PTPRD: variants seen among roughly 807,000 people sequenced by gnomAD.
PTPRD encodes protein tyrosine phosphatase receptor type D, also known as receptor-type tyrosine-protein phosphatase delta.
In PTPRD, 34 loss-of-function variants were observed where a neutral mutation model predicts 214.5. The observed-to-expected ratio is 0.16, with a 90% CI of 0.12 to 0.21. The LOEUF (loss-of-function observed/expected upper bound fraction) is 0.21, where lower values mean the gene tolerates loss of function less well. Among genes scored for constraint, PTPRD ranks in the 10% least tolerant of loss-of-function variants. The probability of loss-of-function intolerance (pLI) is 1.00; values close to 1 mark genes in which losing one functional copy is unlikely to be tolerated. For missense variants in PTPRD, 2,545 were observed against 2,398.7 expected, an observed-to-expected ratio of 1.06 and a Z score of -1.27; for synonymous variants, 1,128 against 845.7, an observed-to-expected ratio of 1.33 and a Z score of -5.79.
At chr9:9,289,619 C>A (rs1196251039) in intron 9 of PTPRD, among the ~76,000 whole-genome samples, 1 of 151,762 alleles carries the variant, frequency 6.6e-6, no homozygotes, top group Non-Finnish European at 1.5e-5. Flanking sequence ...GTACATCTCC[C>A]TATTTACATC....
At chr9:8,373,231 T>G (rs2082072899) in intron 39 of PTPRD, among the ~76,000 whole-genome samples, 1 of 151,990 alleles carries the variant, frequency 6.6e-6, no homozygotes, top group Non-Finnish European at 1.5e-5. Flanking sequence ...CATTATACTG[T>G]CAAGTTTTAA....
At chr9:9,291,360 G>C (rs750559975) in intron 9 of PTPRD, among the ~76,000 whole-genome samples, 2 of 151,350 alleles carry the variant, frequency 1.3e-5, no homozygotes, top group Non-Finnish European at 3.0e-5. Context: ...ATTAAATGCA[G>C]ACATAAAGAA....
intron 45 of PTPRD, among the ~76,000 whole-genome samples, 167 bp from the exon 46 acceptor site, chr9:8,318,109 G>C (rs1481752397): frequency 6.6e-6 from 1 of 151,934 alleles, no homozygotes; most frequent in African/African-American, 2.4e-5. Flanking sequence ...AGTGAACAAA[G>C]AAAAAGCCAC....
chr9:10,127,495 A>G (rs919547757), intron 3 of PTPRD, among the ~76,000 whole-genome samples: 1 of 152,186 alleles, frequency 6.6e-6, no homozygotes, highest in African/African-American at 2.4e-5. Flanking sequence ...GAAATCAAGC[A>G]TATTTCTCTC....
At chr9:10,476,789 A>T (rs1295864268) in intron 2 of PTPRD, among the ~76,000 whole-genome samples, 1 of 152,172 alleles carries the variant, frequency 6.6e-6, no homozygotes, top group Non-Finnish European at 1.5e-5. Context: ...ACAAAAACAG[A>T]TATACAGACC....
intron 11 of PTPRD, among the ~76,000 whole-genome samples, chr9:8,879,440 G>C (rs1394407681): frequency 6.6e-6 from 1 of 152,038 alleles, no homozygotes; most frequent in Non-Finnish European, 1.5e-5. Flanking sequence ...CACTGAGCTT[G>C]GTAGGCACTG....
chr9:8,381,905 T>C (rs898640319), intron 37 of PTPRD, among the ~76,000 whole-genome samples: 1 of 152,188 alleles, frequency 6.6e-6, no homozygotes, highest in Non-Finnish European at 1.5e-5. Context: ...AGAGCAGAAC[T>C]GTGTGAGGTG....
At chr9:10,490,402 T>C (rs773801119) in intron 2 of PTPRD, among the ~76,000 whole-genome samples, 19 of 152,246 alleles carry the variant, frequency 1.2e-4, no homozygotes, top group African/African-American at 3.9e-4. Context: ...TAAAAATAAT[T>C]ATTGCCATCA....
chr9:10,145,696 AAG>A (rs33918377), intron 3 of PTPRD, among the ~76,000 whole-genome samples: 17,400 of 152,036 alleles, frequency 0.11, 1,193 homozygotes, highest in Admixed American at 0.17. Flanking sequence ...TGCATTGTAC[AAG>A]AGTCTCCAGC....
chr9:8,610,970 A>C (rs907253634), intron 14 of PTPRD, among the ~76,000 whole-genome samples: 2 of 152,030 alleles, frequency 1.3e-5, no homozygotes, highest in Admixed American at 6.6e-5. Flanking sequence ...CACATCAACA[A>C]CCATTATGGT....
chr9:10,407,146 A>C (rs1050034046), intron 2 of PTPRD, among the ~76,000 whole-genome samples: 1 of 151,614 alleles, frequency 6.6e-6, no homozygotes, highest in Non-Finnish European at 1.5e-5. Context: ...AGACATGCAG[A>C]TAAGTGGAAA....
chr9:9,354,959 T>C (rs1410710440), intron 9 of PTPRD, among the ~76,000 whole-genome samples: 1 of 151,522 alleles, frequency 6.6e-6, no homozygotes, highest in African/African-American at 2.4e-5. Flanking sequence ...AGTAGTGGAG[T>C]GTGGACAAAA....
rs533619970 is a variant in PTPRD, at chr9:9,088,581, GAAAA to G, written c.-142-69850_-142-69847del. ...GGCGACAGAGTGAGACTTAGTCTCA[GAAAA>G]AAAAAAAAAAAAAAAAAAAAAAAAG... On this transcript the variant is annotated intron_variant, in intron 10 of 45. Coordinates refer to ENST00000381196, the MANE Select transcript of PTPRD (RefSeq NM_002839.4). Among the ~76,000 whole-genome samples, 31 of 33,032 alleles carry G rather than the reference GAAAA, an allele frequency of 9.4e-4. No individual in the cohort carries two copies. The South Asian group carries it at 0.017, about 18-fold the overall frequency. The allele number at this position is 33,032 out of a possible 152,430, so 21.7% of individuals were successfully genotyped here.
chr9:10,457,847 C>G (rs2098929737), intron 2 of PTPRD, among the ~76,000 whole-genome samples: 1 of 151,672 alleles, frequency 6.6e-6, no homozygotes, highest in Non-Finnish European at 1.5e-5. Flanking sequence ...ATACCCATAG[C>G]CAGACTAACT....
At position 9,855,675 on chromosome 9, in the gene PTPRD, A is replaced by C. The variant is rs112260404; in HGVS notation, c.-368+82832T>G. 2.5e-3 allele frequency among the ~76,000 whole-genome samples: 377 copies of C among 152,240 alleles called. 7 individuals carry two copies. Among genetic ancestry groups the C allele is most frequent in the African/African-American group, 8.7e-3 (363 of 41,544 alleles). On this transcript the variant is annotated intron_variant, in intron 5 of 45. Transcript: ENST00000381196. ...AGCCGCTTCCGCACCTGCAGGAGTG[A>C]ACTCCACCCCTCCAGGAGGCAACAC... is the stretch of plus-strand genomic sequence containing the variant.
At chr9:8,807,251 C>G (rs552235365) in intron 11 of PTPRD, among the ~76,000 whole-genome samples, 1 of 151,994 alleles carries the variant, frequency 6.6e-6, no homozygotes, top group Non-Finnish European at 1.5e-5. Context: ...GCAGGAGAAT[C>G]GCTTGAACCC....
chr9:10,188,863 C>G (rs1457695711), intron 3 of PTPRD, among the ~76,000 whole-genome samples: 1 of 152,092 alleles, frequency 6.6e-6, no homozygotes, highest in Non-Finnish European at 1.5e-5. Flanking sequence ...ACTAACAACC[C>G]CACAACTTGG....
intron 7 of PTPRD, among the ~76,000 whole-genome samples, chr9:9,613,212 C>T (rs1160810264): frequency 9.6e-6 from 1 of 103,804 alleles, no homozygotes; most frequent in Non-Finnish European, 2.0e-5. Context: ...ATTTTGAAAA[C>T]TGTGAAATCA....
chr9:10,206,705 G>A (rs1338533944), intron 3 of PTPRD, among the ~76,000 whole-genome samples: 3 of 152,170 alleles, frequency 2.0e-5, no homozygotes, highest in South Asian at 2.1e-4. Flanking sequence ...TTATATTTGT[G>A]ATATCTAGAT....
Sources: gnomAD v4.1 joint callset for allele counts (sites outside exome capture counted in the v4.1 genomes callset) on GRCh38, gnomAD v4.1.1 for gene constraint, MANE v1.5 for transcripts, NCBI Gene and HGNC (gene_info 2026-07-23, HGNC 2026-07-21) for gene names.